The following CAMK1D variants were observed in gnomAD, a reference collection of about 807,000 sequenced individuals.
CAMK1D encodes the protein calcium/calmodulin-dependent protein kinase type 1D.
In CAMK1D, 9 loss-of-function variants were observed where a neutral mutation model predicts 47.7. That is an observed-to-expected ratio of 0.19 (90% CI 0.11 to 0.33). The LOEUF (loss-of-function observed/expected upper bound fraction) is 0.33. CAMK1D is among the 10% of genes least tolerant of loss of function. The probability of loss-of-function intolerance (pLI) is 1.00; values close to 1 mark genes in which losing one functional copy is unlikely to be tolerated. For missense variants in CAMK1D, 291 were observed against 488.7 expected (o/e 0.60, Z 3.81); for synonymous variants, 184 against 184.9 (o/e 0.99, Z 0.04).
chr10:12,816,147 A>T, intron 7 of CAMK1D, 103 bp from the exon 8 acceptor site: 1 of 853,308 alleles, frequency 1.2e-6, no homozygotes, highest in African/African-American at 1.7e-5. Flanking sequence ...CTGGTCTCAT[A>T]TTTTTCATGC....
intron 2 of CAMK1D, among the ~76,000 whole-genome samples, chr10:12,566,737 AAAGT>A (rs1837137642): frequency 6.6e-6 from 1 of 152,206 alleles, no homozygotes; most frequent in African/African-American, 2.4e-5. Context: ...AGAATGCGGG[AAAGT>A]AACTCTTCCT....
rs578111258 is a variant in CAMK1D at position 12,351,212 on chromosome 10, G to A, written c.92+1302G>A. Among the ~76,000 whole-genome samples the A allele has an allele frequency of 2.0e-5, 3 of 152,314 alleles. No individual in the cohort carries two copies. The East Asian group carries it at 5.8e-4, about 29-fold the overall frequency. ...GGGAAGGCGCACGCTGAGGACTAGA[G>A]TGGGGTCTCCCTGCTGTGGTTGTTG... On this transcript the variant is annotated intron_variant, in intron 1 of 10. Coordinates refer to ENST00000619168, the MANE Select transcript of CAMK1D (RefSeq NM_153498.4).
At chr10:12,571,363 T>C (rs1837317940) in intron 2 of CAMK1D, among the ~76,000 whole-genome samples, 1 of 144,746 alleles carries the variant, frequency 6.9e-6, no homozygotes, top group South Asian at 2.2e-4. Context: ...GCAGGAGAAT[T>C]GCTTGAACCT....
At chr10:12,630,543 ATTTAT>A (rs1227882584) in intron 2 of CAMK1D, among the ~76,000 whole-genome samples, 2 of 151,704 alleles carry the variant, frequency 1.3e-5, no homozygotes, top group African/African-American at 4.8e-5. Flanking sequence ...CACCTAGCTA[ATTTAT>A]TTTATTTTAT....
intron 5 of CAMK1D, among the ~76,000 whole-genome samples, chr10:12,781,160 A>T (rs1588919263): frequency 6.6e-6 from 1 of 152,268 alleles, no homozygotes; most frequent in South Asian, 2.1e-4. Context: ...GGTGGGAAAG[A>T]GGGGGAGGGC....
intron 1 of CAMK1D, among the ~76,000 whole-genome samples, chr10:12,445,675 A>G (rs1040710897): frequency 2.6e-5 from 4 of 152,220 alleles, no homozygotes; most frequent in Admixed American, 2.0e-4. Context: ...TCCTGTCTGT[A>G]AGAATAAAAA....
intron 3 of CAMK1D, among the ~76,000 whole-genome samples, chr10:12,750,051 TA>T (rs1835875812): frequency 6.6e-6 from 1 of 152,248 alleles, no homozygotes; most frequent in South Asian, 2.1e-4. Context: ...ATCTTAATTC[TA>T]AAAGAGCACA....
At chr10:12,569,553 A>C (rs1196751476) in intron 2 of CAMK1D, among the ~76,000 whole-genome samples, 1 of 83,160 alleles carries the variant, frequency 1.2e-5, no homozygotes, top group African/African-American at 6.1e-5. Flanking sequence ...TACTAAAAAT[A>C]CAAAAAAAAA....
At chr10:12,491,098 C>G (rs1834369263) in intron 1 of CAMK1D, among the ~76,000 whole-genome samples, 2 of 152,232 alleles carry the variant, frequency 1.3e-5, no homozygotes, top group East Asian at 3.9e-4. Flanking sequence ...CCAGAATCAC[C>G]TGGCCCCATG....
At chr10:12,583,091 C>T (rs1253634560) in intron 2 of CAMK1D, among the ~76,000 whole-genome samples, 1 of 151,988 alleles carries the variant, frequency 6.6e-6, no homozygotes, top group Non-Finnish European at 1.5e-5. Flanking sequence ...GAGATTCTGT[C>T]TCAAAAACAA....
chr10:12,389,176 G>A (rs918928524), intron 1 of CAMK1D, among the ~76,000 whole-genome samples: 1 of 114,716 alleles, frequency 8.7e-6, no homozygotes, highest in African/African-American at 2.7e-5. Context: ...TGTTCTCTAT[G>A]CTAGGGTGGC....
Position 12,601,023 on chromosome 10 carries a change from A to G in CAMK1D, c.224+47667A>G, listed in dbSNP as rs140171921. On this transcript the variant is annotated intron_variant, in intron 2 of 10. Transcript: ENST00000619168. ...GCATGTACCACATTATCTTTGTCCA[A>G]TCTTCTAATGATGGATGTTTAGGTG... Among the ~76,000 whole-genome samples the G allele has an allele frequency of 2.7e-3, 413 of 152,240 alleles. 3 individuals carry two copies. The highest frequency in any genetic ancestry group is 8.9e-3 in the African/African-American group (371 of 41,544).
At chr10:12,680,211 C>A (rs1257266223) in intron 3 of CAMK1D, among the ~76,000 whole-genome samples, 2 of 152,148 alleles carry the variant, frequency 1.3e-5, no homozygotes, top group Non-Finnish European at 2.9e-5. Context: ...GGAGATCTTG[C>A]AGAGTTTATA....
At chr10:12,618,007 G>A (rs1838875945) in intron 2 of CAMK1D, among the ~76,000 whole-genome samples, 1 of 152,148 alleles carries the variant, frequency 6.6e-6, no homozygotes, top group Non-Finnish European at 1.5e-5. Context: ...GTAAGGTTCA[G>A]GGTAGAATGC....
At chr10:12,672,901 T>TTTTTTTTTTTTTTTTTTTTTTTTTTTTTG (rs1840673669) in intron 3 of CAMK1D, among the ~76,000 whole-genome samples, 1 of 147,064 alleles carries the variant, frequency 6.8e-6, no homozygotes, top group East Asian at 2.0e-4. Flanking sequence ...CTTGCCTTTT[T>TTTTTTTTTTTTTTTTTTTTTTTTTTTTTG]TTTTTTTTTT....
chr10:12,393,148 C>T (rs1838805254), intron 1 of CAMK1D, among the ~76,000 whole-genome samples: 1 of 151,956 alleles, frequency 6.6e-6, no homozygotes, highest in Non-Finnish European at 1.5e-5. Context: ...TCTCCTGCCT[C>T]AGCCTCCCAA....
At chr10:12,602,946 T>C (rs1838348884) in intron 2 of CAMK1D, among the ~76,000 whole-genome samples, 1 of 100,624 alleles carries the variant, frequency 9.9e-6, no homozygotes, top group South Asian at 3.0e-4. Flanking sequence ...TCTCGCCCTG[T>C]TGCTCCCAAG....
intron 1 of CAMK1D, among the ~76,000 whole-genome samples, chr10:12,551,255 C>T (rs1005529508): frequency 3.3e-5 from 5 of 152,176 alleles, no homozygotes; most frequent in South Asian, 2.1e-4. Context: ...CTCATAGGAG[C>T]GTGAGCCCTA....
chr10:12,619,067 C>T lies in CAMK1D; in HGVS notation c.225-47669C>T, dbSNP rs529520726. On this transcript the variant is annotated intron_variant, in intron 2 of 10. Coordinates refer to ENST00000619168, the MANE Select transcript of CAMK1D (RefSeq NM_153498.4). ...TCTGTTTTTAAAGAAGCCATTGAATCTTTGCATGTAGCAGGAGCTCAATAA... is the reference window on the plus strand; with the variant it reads ...TCTGTTTTTAAAGAAGCCATTGAATTTTTGCATGTAGCAGGAGCTCAATAA... 9.8e-5 allele frequency among the ~76,000 whole-genome samples: 15 copies of T among 152,318 alleles called. 1 individual carries two copies. In the South Asian group the frequency reaches 2.9e-3, roughly 29 times the overall value.
Sources: allele counts gnomAD v4.1 joint callset (sites outside exome capture counted in the v4.1 genomes callset), GRCh38; gene constraint gnomAD v4.1.1; transcripts MANE v1.5; gene names NCBI Gene and HGNC (gene_info 2026-07-23, HGNC 2026-07-21).